Variants in CPED1 observed in about 807,000 individuals in gnomAD.
CPED1 encodes the protein cadherin-like and PC-esterase domain-containing protein 1.
In CPED1, 114 loss-of-function variants were observed where a neutral mutation model predicts 128.2. That is an observed-to-expected ratio of 0.89 (90% confidence interval 0.76 to 1.04). The LOEUF is 1.04. Among genes scored for constraint, CPED1 ranks in the 50% least tolerant of loss-of-function variants. CPED1 has a pLI of 0.00. For missense variants in CPED1, 1,211 were observed against 1,207.1 expected, an observed-to-expected ratio of 1.00 and a Z score of -0.05; for synonymous variants, 462 against 426.7, an observed-to-expected ratio of 1.08 and a Z score of -1.02.
At chr7:121,017,994 T>C (rs917113005) in intron 3 of CPED1, among the ~76,000 whole-genome samples, 3 of 152,318 alleles carry the variant, frequency 2.0e-5, no homozygotes, top group African/African-American at 7.2e-5. Flanking sequence ...ATTCTTTTAC[T>C]GTGTATAATA....
At chr7:121,137,913 C>CTATT (rs1183892238) in intron 14 of CPED1, among the ~76,000 whole-genome samples, 4 of 152,042 alleles carry the variant, frequency 2.6e-5, no homozygotes, top group African/African-American at 9.7e-5. Flanking sequence ...CTTTGGGCTT[C>CTATT]TATTTTCTCA....
chr7:121,129,805 T>G, intron 11 of CPED1, among the ~76,000 whole-genome samples: 1 of 151,844 alleles, frequency 6.6e-6, no homozygotes, highest in South Asian at 2.1e-4. Context: ...CAAGAGGCTC[T>G]CTCATTCTTC....
At chr7:121,216,953 C>A (rs1275648513) in intron 16 of CPED1, among the ~76,000 whole-genome samples, 1 of 151,936 alleles carries the variant, frequency 6.6e-6, no homozygotes, top group Admixed American at 6.6e-5. Context: ...TTAGCTGTTA[C>A]GCTTTTGAAT....
chr7:121,187,537 T>C (rs559641419), intron 16 of CPED1, among the ~76,000 whole-genome samples: 1 of 152,244 alleles, frequency 6.6e-6, no homozygotes, highest in Admixed American at 6.6e-5. Context: ...TTAGGTTTTG[T>C]GTTCATTGGA....
At chr7:121,256,926 G>C (rs977092950) in intron 18 of CPED1, among the ~76,000 whole-genome samples, 1 of 152,000 alleles carries the variant, frequency 6.6e-6, no homozygotes, top group Non-Finnish European at 1.5e-5. Context: ...GCAGAAACAT[G>C]AATGCAGCTG....
At chr7:121,000,371 G>A (rs377102607) in intron 2 of CPED1, among the ~76,000 whole-genome samples, 7 of 152,018 alleles carry the variant, frequency 4.6e-5, no homozygotes, top group Admixed American at 2.0e-4. Flanking sequence ...TATGGAGTTC[G>A]GAAAGAAACG....
At chr7:121,106,981 G>A (rs1794993242) in intron 7 of CPED1, among the ~76,000 whole-genome samples, 1 of 152,082 alleles carries the variant, frequency 6.6e-6, no homozygotes, top group South Asian at 2.1e-4. Context: ...AGCACTTTAA[G>A]CGTCCATAGA....
chr7:121,057,501 G>T (rs1042040473), intron 4 of CPED1, among the ~76,000 whole-genome samples: 1 of 152,064 alleles, frequency 6.6e-6, no homozygotes, highest in African/African-American at 2.4e-5. Context: ...CCAGTGTTTA[G>T]CTCCTACTTA....
intron 13 of CPED1, among the ~76,000 whole-genome samples, 179 bp downstream of exon 13, chr7:121,134,072 T>C (rs1648247567): frequency 6.6e-6 from 1 of 152,100 alleles, no homozygotes; most frequent in Admixed American, 6.6e-5. Context: ...CCAGCAATCC[T>C]GCTACTGGAT....
At chr7:121,036,590 G>A (rs1050485106) in intron 3 of CPED1, among the ~76,000 whole-genome samples, 16 of 151,260 alleles carry the variant, frequency 1.1e-4, no homozygotes, top group Admixed American at 7.9e-4. Flanking sequence ...AAATTGTGGG[G>A]CTATAAACAT....
intron 14 of CPED1, among the ~76,000 whole-genome samples, chr7:121,138,760 G>A (rs10248011): frequency 0.43 from 65,218 of 151,920 alleles, 15,510 homozygotes; most frequent in East Asian, 0.84. Flanking sequence ...CACTTTGCTA[G>A]TTCTGAGCAG....
At chr7:121,074,871 T>A (rs932573138) in intron 5 of CPED1, among the ~76,000 whole-genome samples, 2 of 152,190 alleles carry the variant, frequency 1.3e-5, no homozygotes, top group African/African-American at 4.8e-5. Flanking sequence ...GATAAAAAGG[T>A]GTTTCACAAA....
At chr7:121,079,995 G>GA (rs1268260176) in intron 5 of CPED1, among the ~76,000 whole-genome samples, 2 of 152,050 alleles carry the variant, frequency 1.3e-5, no homozygotes, top group Non-Finnish European at 2.9e-5. Context: ...TCAGTTTTTT[G>GA]ATCTAAATCC....
chr7:121,207,371 A>C (rs150122028), intron 16 of CPED1, among the ~76,000 whole-genome samples: 2 of 152,058 alleles, frequency 1.3e-5, no homozygotes, highest in Non-Finnish European at 2.9e-5. Flanking sequence ...AGTCTCACCA[A>C]CTAATGCTAG....
intron 15 of CPED1, among the ~76,000 whole-genome samples, chr7:121,141,295 C>T (rs908669002): frequency 3.3e-5 from 5 of 151,950 alleles, no homozygotes; most frequent in African/African-American, 1.2e-4. Context: ...TTAACATTCT[C>T]GAAGATGTCA....
At chr7:121,117,075 C>CA (rs1795259539) in intron 7 of CPED1, among the ~76,000 whole-genome samples, 1 of 74,486 alleles carries the variant, frequency 1.3e-5, no homozygotes, top group African/African-American at 5.0e-5. Flanking sequence ...TATATATACA[C>CA]ATTATATATA....
chr7:121,221,222 T>C (rs1165578626), intron 16 of CPED1, among the ~76,000 whole-genome samples: 1 of 152,154 alleles, frequency 6.6e-6, no homozygotes, highest in Non-Finnish European at 1.5e-5. Flanking sequence ...TGTTTGGTTT[T>C]CTGTCTTTGT....
At chr7:121,201,695 T>C (rs1051743513) in intron 16 of CPED1, among the ~76,000 whole-genome samples, 4 of 152,094 alleles carry the variant, frequency 2.6e-5, no homozygotes, top group South Asian at 4.1e-4. Context: ...AATGCAGTTA[T>C]AAATACAGCC....
chr7:121,093,784 T>G (rs1266704162), intron 5 of CPED1, among the ~76,000 whole-genome samples: 1 of 152,194 alleles, frequency 6.6e-6, no homozygotes, highest in African/African-American at 2.4e-5. Context: ...AAACTTCTCC[T>G]TCCTGGGCTA....
Sources: allele counts gnomAD v4.1 joint callset (sites outside exome capture counted in the v4.1 genomes callset), GRCh38; gene constraint gnomAD v4.1.1; transcripts MANE v1.5; gene names NCBI Gene and HGNC (gene_info 2026-07-23, HGNC 2026-07-21).